Variants in MYO1G observed in about 807,000 individuals in gnomAD.
The protein encoded by MYO1G is myosin IG, also known as unconventional myosin-Ig.
Under a neutral mutation model 115.3 loss-of-function variants are expected in MYO1G, and 65 were observed. That is an observed-to-expected ratio of 0.56 (90% CI 0.46 to 0.69). The LOEUF (loss-of-function observed/expected upper bound fraction) is 0.69. Among genes scored for constraint, MYO1G ranks in the 30% least tolerant of loss-of-function variants. The pLI, the probability that MYO1G is intolerant of heterozygous loss-of-function variation, is 0.00. For missense variants in MYO1G, 1,204 were observed against 1,393.5 expected (o/e 0.86, Z 2.16); for synonymous variants, 510 against 552.6 (o/e 0.92, Z 1.08).
chr7:44,971,830 C>A (rs1794964546), intron 6 of MYO1G, 41 bp from the exon 7 acceptor site: 1 of 1,410,838 alleles, frequency 7.1e-7, no homozygotes, highest in Non-Finnish European at 9.8e-7. Context: ...CCACACTGGG[C>A]CCAGGACACC....
chr7:44,976,041 T>TG (rs1160253133), intron 3 of MYO1G, among the ~76,000 whole-genome samples: 29 of 152,346 alleles, frequency 1.9e-4, no homozygotes, highest in African/African-American at 6.0e-4. Flanking sequence ...GCTCAGGAAC[T>TG]GACATTGCTT....
Position 44,976,652 on chromosome 7 carries a change from T to C in MYO1G, c.310A>G (p.Ser104Gly). The change falls in exon 3 of 22, where the codon AGT (serine) becomes GGT (glycine). Residue 104 changes from serine to glycine, a missense_variant. Coordinates refer to ENST00000258787, the MANE Select transcript of MYO1G (RefSeq NM_033054.3). ...RDTCIVISGE[S>G]GAGKTEASKH... ...CTGGCTTCTGTCTTCCCTGCCCCACTCTCCCCTGCCGGAAAGACCAGAGTT... is the reference window on the plus strand; with the variant it reads ...CTGGCTTCTGTCTTCCCTGCCCCACCCTCCCCTGCCGGAAAGACCAGAGTT... The C allele has an allele frequency of 1.9e-6, 3 of 1,613,854 alleles. No individual in the cohort carries two copies. Among genetic ancestry groups the C allele is most frequent in the Non-Finnish European group, 2.5e-6 (3 of 1,179,992 alleles).
chr7:44,970,890 A>C lies in MYO1G; in HGVS notation c.1016T>G (p.Ile339Arg). ...CTCAGCTGCAGTGTGGCCCTTCTCT[A>C]TGAGTTCCCTGCCTCCCGAGGCAAC... is the stretch of plus-strand genomic sequence containing the variant. ...RTVASGGREL[I>R]EKGHTAAEAS... Residue 339 changes from isoleucine to arginine, a missense_variant, in exon 8 of 22, where the codon ATA becomes AGA. Coordinates refer to ENST00000258787, the MANE Select transcript of MYO1G (RefSeq NM_033054.3). The C allele has an allele frequency of 3.1e-6, 5 of 1,613,468 alleles. No homozygotes were observed. The highest frequency in any genetic ancestry group is 4.2e-6 in the Non-Finnish European group (5 of 1,180,010).
In MYO1G at chr7:44,969,689, G is replaced by A. The variant is rs957235800; in HGVS notation, c.1503+16C>T. 2 of 1,609,954 alleles carry A rather than the reference G, an allele frequency of 1.2e-6. No individual in the cohort carries two copies. Among genetic ancestry groups the A allele is most frequent in the East Asian group, 2.2e-5 (1 of 44,880 alleles). The stretch of plus-strand genomic sequence containing the variant: ...CCACCAGCCCACTGTGGTGGCACTG[G>A]GACAGCCGGGGGCACCTGGCGGCTG... On this transcript the variant is annotated intron_variant, in intron 11 of 21. Transcript: ENST00000258787. The surrounding 1 kb of genome is among the most constrained non-coding windows in gnomAD (Gnocchi z 5.0).
Position 44,966,084 on chromosome 7 carries a change from G to A in MYO1G, c.2146C>T (p.Leu716=), listed in dbSNP as rs749626005. The change falls in exon 16 of 22, where the codon CTA becomes TTA. Residue 716 remains leucine, a synonymous_variant. Coordinates refer to ENST00000258787, the MANE Select transcript of MYO1G (RefSeq NM_033054.3). This position sits in a 1 kb window ranked among gnomAD's most constrained non-coding sequence, Gnocchi z 5.0. ...CCCGCCCACCTCACCTTCTGCAATA[G>A]CAGCACAATGATGGGGATGAGGCGG... is the stretch of plus-strand genomic sequence containing the variant. ...RARLIPIIVL[L]LQKAWRGTLA... The A allele has an allele frequency of 6.2e-7, 1 of 1,612,376 alleles. No individual in the cohort carries two copies. Among genetic ancestry groups the A allele is most frequent in the Non-Finnish European group, 8.5e-7 (1 of 1,179,918 alleles).
At chr7:44,967,570 C>T (rs370587511) in intron 14 of MYO1G, 35 bp downstream of exon 14, 56 of 1,612,356 alleles carry the variant, frequency 3.5e-5, no homozygotes, top group South Asian at 6.6e-5. Context: ...GAGAAGGATC[C>T]GGAACAGCCA....
rs760980366 is a variant in MYO1G, at chr7:44,976,915, G to A, written c.252C>T (p.Ala84=). 14 of 1,613,554 alleles carry A rather than the reference G, an allele frequency of 8.7e-6. No individual in the cohort carries two copies. The highest frequency in any genetic ancestry group is 1.6e-4 in the Middle Eastern group (1 of 6,062). ...ACCGGTGCTTCATTGCCTTGTAGGCGGCGTTGGCCACAGCATAGAGATGGG... is the reference window on the plus strand; with the variant it reads ...ACCGGTGCTTCATTGCCTTGTAGGCAGCGTTGGCCACAGCATAGAGATGGG... The part of the protein sequence containing the change: ...RPPHLYAVAN[A]AYKAMKHRSR... Residue 84 remains alanine (A), a synonymous_variant, in exon 2 of 22, where the codon GCC becomes GCT. Transcript: ENST00000258787.
chr7:44,967,091 CTCGCCCCA>C (rs1253529056), intron 14 of MYO1G, among the ~76,000 whole-genome samples: 1 of 152,192 alleles, frequency 6.6e-6, no homozygotes, highest in East Asian at 1.9e-4. Context: ...AGGAGCAGGC[CTCGCCCCA>C]TCTGCCTTCC....
Position 44,964,885 on chromosome 7 carries a change from C to G in MYO1G, c.2526+60G>C. The G allele has an allele frequency of 6.4e-7, 1 of 1,556,554 alleles. No homozygotes were observed. Among genetic ancestry groups the G allele is most frequent in the Non-Finnish European group, 8.7e-7 (1 of 1,146,200 alleles). On this transcript the variant is annotated intron_variant, in intron 18 of 21. Transcript: ENST00000258787. The surrounding 1 kb of genome is among the most constrained non-coding windows in gnomAD (Gnocchi z 5.1). ...GAGGGGACCTGGTCACAGCATTAGC[C>G]GAGAGCCCTCTTTGGCAGCCCACTT...
At chr7:44,978,496 C>T (rs530767511) in intron 1 of MYO1G, among the ~76,000 whole-genome samples, 113 of 152,336 alleles carry the variant, frequency 7.4e-4, no homozygotes, top group African/African-American at 2.7e-3. Flanking sequence ...GGAGGTGCCC[C>T]TGGTCCCTCC....
chr7:44,976,799 G>C, intron 2 of MYO1G, 64 bp downstream of exon 2: 1 of 1,588,882 alleles, frequency 6.3e-7, no homozygotes, highest in South Asian at 1.1e-5. Context: ...ATGCTCTAAT[G>C]GCCCTCCCAA....
intron 1 of MYO1G, among the ~76,000 whole-genome samples, 181 bp downstream of exon 1, chr7:44,978,686 C>T (rs1220168426): frequency 6.6e-6 from 1 of 152,200 alleles, no homozygotes; most frequent in Non-Finnish European, 1.5e-5. Flanking sequence ...CTTGTCTGTT[C>T]CTGTCCCCTG....
At chr7:44,978,743 GGTGT>G in intron 1 of MYO1G, 120 bp downstream of exon 1, 1 of 836,780 alleles carries the variant, frequency 1.2e-6, no homozygotes, top group African/African-American at 1.7e-5. Flanking sequence ...GGTCTGGGTG[GGTGT>G]GTGCCACTGC....
At chr7:44,976,762 C>T in intron 2 of MYO1G, 101 bp downstream of exon 2, 1 of 1,551,124 alleles carries the variant, frequency 6.4e-7, no homozygotes, top group East Asian at 2.3e-5. Context: ...GGTCCTAGGG[C>T]CCCCATCAGG....
chr7:44,963,083 C>A lies in MYO1G; in HGVS notation c.2787G>T (p.Val929=), dbSNP rs1450773451. 6.6e-7 allele frequency: 1 copy of A among 1,520,584 alleles called. No individual in the cohort carries two copies. The highest frequency in any genetic ancestry group is 2.6e-5 in the East Asian group (1 of 39,162). The allele number at this position is 1,520,584 out of a possible 1,614,324, so 94.2% of individuals were successfully genotyped here. A position where few individuals can be genotyped will look rare whatever the true frequency, so the allele number is the denominator to read the frequency against. ...CGTCCTGGCCGCGGGCGTGCAGCAC[C>A]ACCAGCTGGTCTCCTCCGCTGGTCA... The part of the protein sequence containing the change: ...LSVTSGGDQL[V]VLHARGQDDL... The change falls in exon 21 of 22, where the codon GTG becomes GTT. Residue 929 remains valine, a synonymous_variant. Coordinates refer to ENST00000258787, the MANE Select transcript of MYO1G (RefSeq NM_033054.3). The surrounding 1 kb of genome is among the most constrained non-coding windows in gnomAD (Gnocchi z 4.1).
rs547314754 is a variant in MYO1G, at chr7:44,977,105, A to G, written c.96-34T>C. On this transcript the variant is annotated intron_variant, in intron 1 of 21. Transcript: ENST00000258787. ...AGCAGGGGTAGGCCTCAGCACTCAC[A>G]GGCTTACAGGCACCCACAGGCCTTT... 7.8e-5 allele frequency: 125 copies of G among 1,599,084 alleles called. No individual in the cohort carries two copies. The East Asian group carries it at 2.0e-3, about 26-fold the overall frequency.
intron 16 of MYO1G, 100 bp from the exon 17 acceptor site, chr7:44,965,960 C>A: frequency 6.5e-7 from 1 of 1,537,638 alleles, no homozygotes; most frequent in Non-Finnish European, 8.9e-7. Context: ...CACTCCCTGG[C>A]CTGTCTCCAT....
In MYO1G at chr7:44,971,005, C is replaced by T. The variant is rs765884251; in HGVS notation, c.901G>A (p.Ala301Thr). 2.4e-5 allele frequency: 38 copies of T among 1,613,220 alleles called. No homozygotes were observed. Among genetic ancestry groups the T allele is most frequent in the Non-Finnish European group, 3.2e-5 (38 of 1,179,956 alleles). Residue 301 changes from alanine (A) to threonine (T), a missense_variant, in exon 8 of 22, where the codon GCA (alanine) becomes ACA (threonine). Physicochemically the swap from Ala to Thr is moderately conservative, Grantham distance 58. Coordinates refer to ENST00000258787, the MANE Select transcript of MYO1G (RefSeq NM_033054.3). ...EEGGLQKEGL[A>T]VAEEALVDHV... ...TCCACCAGTGCCTCCTCGGCCACTGCCAGGCCCTCCTTCTGCAGCCCACCC... is the reference window on the plus strand; with the variant it reads ...TCCACCAGTGCCTCCTCGGCCACTGTCAGGCCCTCCTTCTGCAGCCCACCC...
At chr7:44,971,559 G>A in intron 7 of MYO1G, 114 bp downstream of exon 7, 1 of 739,358 alleles carries the variant, frequency 1.4e-6, no homozygotes, top group South Asian at 1.7e-5. Flanking sequence ...GAGGCAGTCA[G>A]CCTAGCACAT....
Sources: gnomAD v4.1 joint callset for allele counts (sites outside exome capture counted in the v4.1 genomes callset) on GRCh38, gnomAD v4.1.1 for gene constraint, Gnocchi (gnomAD v3.1) non-coding constraint, MANE v1.5 for transcripts, NCBI Gene and HGNC (gene_info 2026-07-23, HGNC 2026-07-21) for gene names.